ACLY: variants seen among roughly 807,000 people sequenced by gnomAD.
The protein encoded by ACLY is ATP-citrate synthase.
In ACLY, 41 loss-of-function variants were observed where a neutral mutation model predicts 133.0. The observed-to-expected ratio is 0.31, with a 90% confidence interval of 0.24 to 0.40. ACLY has a LOEUF of 0.40. ACLY is among the 10% of genes least tolerant of loss of function. The pLI, the probability that ACLY is intolerant of heterozygous loss-of-function variation, is 1.00. For synonymous variants in ACLY, 495 were observed against 549.3 expected (o/e 0.90, Z 1.38); for missense variants, 1,046 against 1,453.8 (o/e 0.72, Z 4.56).
intron 1 of ACLY, among the ~76,000 whole-genome samples, chr17:41,917,432 A>C (rs1165237695): frequency 3.3e-5 from 5 of 152,130 alleles, no homozygotes; most frequent in African/African-American, 1.2e-4. Flanking sequence ...GTCTTTCTGC[A>C]GACGGGTGAG....
chr17:41,929,742 C>A (rs981508545), intron 1 of ACLY, among the ~76,000 whole-genome samples: 6 of 152,040 alleles, frequency 3.9e-5, no homozygotes, highest in African/African-American at 1.4e-4. Flanking sequence ...TCCCATGTAC[C>A]CTTTTCCCAG....
chr17:41,924,613 C>T (rs1228323261), intron 1 of ACLY, among the ~76,000 whole-genome samples: 1 of 152,156 alleles, frequency 6.6e-6, no homozygotes, highest in African/African-American at 2.4e-5. Context: ...TTGCCCAGTA[C>T]TGACAAACCT....
intron 11 of ACLY, among the ~76,000 whole-genome samples, chr17:41,900,402 C>T (rs1322979245): frequency 6.6e-6 from 1 of 151,704 alleles, no homozygotes; most frequent in Non-Finnish European, 1.5e-5. Context: ...AAAATTAACC[C>T]TATTCAATTC....
intron 14 of ACLY, among the ~76,000 whole-genome samples, chr17:41,893,989 G>A (rs1725921738): frequency 6.6e-6 from 1 of 152,028 alleles, no homozygotes; most frequent in Admixed American, 6.6e-5. Context: ...TGAGACCAGT[G>A]GATCACTTGA....
chr17:41,877,474 A>G (rs2048795361), intron 22 of ACLY, among the ~76,000 whole-genome samples: 2 of 140,680 alleles, frequency 1.4e-5, no homozygotes, highest in Admixed American at 7.1e-5. Flanking sequence ...AATTACAGAC[A>G]GGGTCTCACT....
At chr17:41,919,169 C>A, upstream of ACLY, 1 of 917,166 alleles carries the variant, frequency 1.1e-6, no homozygotes, top group South Asian at 1.8e-5. Flanking sequence ...CATCCACCGC[C>A]TCTTGGGAGC....
chr17:41,878,140 G>A lies in ACLY; in HGVS notation c.2450C>T (p.Pro817Leu). Residue 817 changes from proline (P) to leucine (L), a missense_variant, in exon 22 of 29, where the codon CCG becomes CTG. By Grantham distance (98) the Pro-to-Leu change is moderately conservative. Around this residue, in one of 4 missense-constraint regions of ACLY, gnomAD observed 39 missense variants for 30.8 expected, o/e 1.27. Transcript: ENST00000352035. ...GTAGTCCATGGGCACGGTTGGGGGC[G>A]GCACCTCCTGGGCAGGTACAATGAC... ...NGVIVPAQEV[P>L]PPTVPMDYSW... is the part of the protein sequence containing the mutation. 6.3e-7 allele frequency: 1 copy of A among 1,590,638 alleles called. No individual in the cohort carries two copies. Among genetic ancestry groups the A allele is most frequent in the Non-Finnish European group, 8.6e-7 (1 of 1,168,520 alleles).
At chr17:41,871,040 AG>A (rs1555624946) in intron 25 of ACLY, among the ~76,000 whole-genome samples, 1 of 152,204 alleles carries the variant, frequency 6.6e-6, no homozygotes, top group African/African-American at 2.4e-5. Context: ...CTGCGGAATG[AG>A]GTATTATCTA....
chr17:41,876,728 A>C (rs1267958320), intron 22 of ACLY, among the ~76,000 whole-genome samples: 1 of 152,114 alleles, frequency 6.6e-6, no homozygotes, highest in Non-Finnish European at 1.5e-5. Context: ...GCTGGTTAAG[A>C]GTCATCACCA....
In ACLY at chr17:41,907,537, C is replaced by T. The variant is rs387907387; in HGVS notation, c.652G>A (p.Ala218Thr). 6.2e-6 allele frequency: 10 copies of T among 1,613,968 alleles called. No homozygotes were observed. The highest frequency in any genetic ancestry group is 8.5e-6 in the Non-Finnish European group (10 of 1,180,012). The change falls in exon 7 of 29, where the codon GCG becomes ACG. Residue 218 changes from alanine to threonine, a missense_variant. By Grantham distance (58) the Ala-to-Thr change is moderately conservative (BLOSUM62 0). Transcript: ENST00000352035. ...TKDGVYVLDL[A>T]AKVDATADYI... ...TCGGCAGTGGCGTCCACCTTGGCCGCCAAGTCAAGGACATAGACTCCATCT... is the reference window on the plus strand; with the variant it reads ...TCGGCAGTGGCGTCCACCTTGGCCGTCAAGTCAAGGACATAGACTCCATCT...
intron 25 of ACLY, 126 bp from the exon 26 acceptor site, chr17:41,869,713 G>T (rs2048551944): frequency 4.3e-6 from 3 of 702,886 alleles, no homozygotes; most frequent in East Asian, 5.3e-5. Context: ...TGGCCCACGT[G>T]TACCATTCCA....
At chr17:41,897,728 C>T (rs994960781) in intron 13 of ACLY, 21 bp downstream of exon 13, 1 of 1,608,648 alleles carries the variant, frequency 6.2e-7, no homozygotes, top group Non-Finnish European at 8.5e-7. Context: ...CTGCAACATG[C>T]CTGAAGCCTC....
chr17:41,923,107 G>A (rs1015714031), upstream of ACLY, among the ~76,000 whole-genome samples: 3 of 152,328 alleles, frequency 2.0e-5, no homozygotes, highest in Non-Finnish European at 4.4e-5. Context: ...CAAGGCGGGT[G>A]GACTGCCTGA....
intron 1 of ACLY, among the ~76,000 whole-genome samples, chr17:41,916,360 G>GC (rs797026217): frequency 4.0e-5 from 6 of 148,644 alleles, no homozygotes; most frequent in African/African-American, 1.5e-4. Flanking sequence ...GAGGTCTTCT[G>GC]TTTTTTTGTT....
upstream of ACLY, among the ~76,000 whole-genome samples, chr17:41,924,003 G>T (rs1422447381): frequency 1.1e-4 from 16 of 152,074 alleles, no homozygotes; most frequent in African/African-American, 3.9e-4. Flanking sequence ...TAGAAATGAG[G>T]TTTCGCCATG....
At chr17:41,908,722 C>A (rs1555633089) in intron 6 of ACLY, among the ~76,000 whole-genome samples, 1 of 152,312 alleles carries the variant, frequency 6.6e-6, no homozygotes, top group Admixed American at 6.5e-5. Flanking sequence ...TGAGATTGTG[C>A]CACTGTACTC....
chr17:41,901,858 A>G, intron 10 of ACLY, 45 bp from the exon 11 acceptor site: 1 of 1,416,856 alleles, frequency 7.1e-7, no homozygotes. Context: ...GGCAGCCACA[A>G]GTCAATGATT....
intron 1 of ACLY, among the ~76,000 whole-genome samples, chr17:41,916,873 G>T (rs1048248044): frequency 6.6e-6 from 1 of 151,996 alleles, no homozygotes; most frequent in African/African-American, 2.4e-5. Context: ...GGCCAGGCAC[G>T]GTGGCTTGCG....
intron 20 of ACLY, among the ~76,000 whole-genome samples, chr17:41,881,603 G>A (rs75243646): frequency 2.6e-5 from 4 of 152,216 alleles, no homozygotes; most frequent in African/African-American, 4.8e-5. Flanking sequence ...TCAGGAAACA[G>A]TTACCAAGAG....
Sources: gnomAD v4.1 joint callset for allele counts (sites outside exome capture counted in the v4.1 genomes callset) on GRCh38, gnomAD v4.1.1 for gene constraint, gnomAD v4.1.1 regional missense constraint, MANE v1.5 for transcripts, NCBI Gene and HGNC (gene_info 2026-07-23, HGNC 2026-07-21) for gene names.